NAALADL2: variants seen among roughly 807,000 people sequenced by gnomAD.
NAALADL2 encodes N-acetylated alpha-linked acidic dipeptidase like 2.
NAALADL2 carries 76 observed loss-of-function variants against 87.2 expected under a neutral mutation model. The observed-to-expected ratio is 0.87, with a 90% CI of 0.72 to 1.05. The LOEUF is 1.05. Ranked by LOEUF, NAALADL2 falls within the 50% of genes least tolerant of loss-of-function variation. The pLI is 0.00. For missense variants in NAALADL2, 1,089 were observed against 945.8 expected (o/e 1.15, Z -1.99); for synonymous variants, 354 against 331.0 (o/e 1.07, Z -0.75).
Position 174,579,288 on chromosome 3 carries a change from A to G in NAALADL2, c.-115+28651A>G, listed in dbSNP as rs1578215982. Among the ~76,000 whole-genome samples the G allele has an allele frequency of 3.3e-5, 5 of 152,138 alleles. No homozygotes were observed. The East Asian group carries it at 9.6e-4, about 29-fold the overall frequency. ...TTCATAGCAGCTTTACCAATAATGG[A>G]CCTAAAATGGAACCAACAGAGATAT... is the stretch of plus-strand genomic sequence containing the variant. On this transcript the variant is annotated intron_variant, in intron 2 of 3. Coordinates refer to the NAALADL2 transcript ENST00000434257.
intron 3 of NAALADL2, among the ~76,000 whole-genome samples, chr3:174,778,094 A>G (rs928387827): frequency 9.2e-5 from 14 of 152,078 alleles, no homozygotes; most frequent in African/African-American, 3.4e-4. Context: ...GCTAGATACT[A>G]TGCTATGTCC....
At chr3:175,324,673 A>G (rs1400659179) in intron 5 of NAALADL2, among the ~76,000 whole-genome samples, 5 of 152,228 alleles carry the variant, frequency 3.3e-5, no homozygotes, top group African/African-American at 1.2e-4. Flanking sequence ...ACCCAGGAGC[A>G]TGAAATGTCT....
chr3:174,954,938 T>C (rs892693988), intron 1 of NAALADL2, among the ~76,000 whole-genome samples: 3 of 152,126 alleles, frequency 2.0e-5, no homozygotes, highest in Non-Finnish European at 2.9e-5. Flanking sequence ...TTGTGGTTAG[T>C]GTAGATTTCT....
chr3:174,636,253 A>G lies in NAALADL2; in HGVS notation c.-115+85616A>G, dbSNP rs532340134. 1.6e-3 allele frequency among the ~76,000 whole-genome samples: 245 copies of G among 152,310 alleles called. 2 individuals are homozygous for G. Among genetic ancestry groups the G allele is most frequent in the African/African-American group, 5.8e-3 (241 of 41,574 alleles). On this transcript the variant is annotated intron_variant, in intron 2 of 3. Transcript: ENST00000434257. ...AAAGCTACTAGAAGAAAACATAAGG[A>G]AAATTCTGAAGGACATTGGTCTACT...
intron 9 of NAALADL2, among the ~76,000 whole-genome samples, chr3:175,474,737 C>T (rs78349968): frequency 0.68 from 103,223 of 151,694 alleles, 37,168 homozygotes; most frequent in East Asian, 0.9. Flanking sequence ...GACTGCTTTT[C>T]CCTACCTCTT....
intron 2 of NAALADL2, among the ~76,000 whole-genome samples, chr3:174,658,464 G>A (rs961821316): frequency 1.3e-5 from 2 of 151,828 alleles, no homozygotes; most frequent in African/African-American, 4.8e-5. Context: ...TTTAAATCAG[G>A]GTTTTTTATT....
intron 4 of NAALADL2, among the ~76,000 whole-genome samples, chr3:175,297,498 A>C (rs147091867): frequency 9.8e-5 from 15 of 152,298 alleles, no homozygotes; most frequent in Middle Eastern, 3.4e-3. Context: ...ATTCCTAAGC[A>C]ATAATTATTT....
chr3:175,605,440 T>G (rs1036757688), intron 10 of NAALADL2, among the ~76,000 whole-genome samples: 2 of 152,042 alleles, frequency 1.3e-5, no homozygotes, highest in East Asian at 1.9e-4. Flanking sequence ...GGAAATAAAA[T>G]TATGTATTTA....
rs544085272 is a variant in NAALADL2 at position 175,463,372 on chromosome 3, C to A, written c.1235-29C>A. 2.1e-5 allele frequency: 28 copies of A among 1,358,288 alleles called. 1 individual carries two copies. The South Asian group carries it at 3.4e-4, about 16-fold the overall frequency. The allele number at this position is 1,358,288 out of a possible 1,614,324, so 84.1% of individuals were successfully genotyped here. A position where few individuals can be genotyped will look rare whatever the true frequency, so the allele number is the denominator to read the frequency against. ...AAAAATACAATAAAATATAAAGAAG[C>A]AAAAGTCTTTAAATTTTTATTTTTT... On this transcript the variant is annotated intron_variant, in intron 6 of 13. Coordinates refer to ENST00000454872, the MANE Select transcript of NAALADL2 (RefSeq NM_207015.3).
chr3:174,853,765 G>A (rs1446446113), intron 3 of NAALADL2, among the ~76,000 whole-genome samples: 1 of 152,040 alleles, frequency 6.6e-6, no homozygotes, highest in Admixed American at 6.6e-5. Context: ...ATGGCCAATA[G>A]GTATATGAAA....
intron 4 of NAALADL2, among the ~76,000 whole-genome samples, chr3:175,265,226 A>T (rs1334549147): frequency 6.6e-6 from 1 of 151,636 alleles, no homozygotes; most frequent in Non-Finnish European, 1.5e-5. Context: ...CAAGGCTTAG[A>T]TTTATTTCCG....
At chr3:174,872,439 T>C (rs1055860534) in intron 1 of NAALADL2, among the ~76,000 whole-genome samples, 14 of 152,192 alleles carry the variant, frequency 9.2e-5, no homozygotes, top group African/African-American at 3.4e-4. Context: ...TTTACTTGAA[T>C]AGAGATAGGC....
chr3:175,511,966 G>A (rs956796691), intron 9 of NAALADL2, among the ~76,000 whole-genome samples: 2 of 152,160 alleles, frequency 1.3e-5, no homozygotes, highest in Non-Finnish European at 2.9e-5. Context: ...CCTAGGCTGG[G>A]CATGGTGCCT....
chr3:174,926,426 G>A (rs553241360), intron 1 of NAALADL2, among the ~76,000 whole-genome samples: 18 of 152,236 alleles, frequency 1.2e-4, no homozygotes, highest in African/African-American at 4.3e-4. Flanking sequence ...AAGTTGAAAT[G>A]AAGGAAAAAT....
At chr3:175,313,857 G>A (rs1176569973) in intron 4 of NAALADL2, among the ~76,000 whole-genome samples, 2 of 152,044 alleles carry the variant, frequency 1.3e-5, no homozygotes, top group Non-Finnish European at 2.9e-5. Context: ...GAGGTCAGGA[G>A]ATCAAGACCA....
In NAALADL2 at chr3:174,914,394, C is replaced by T. The variant is rs188791494; in HGVS notation, c.43+54944C>T. Reference sequence around the variant, plus strand: ...TATATTTTATTGCAACTAAAAATCACATTAGATAATGAATATTTAGTATCA... The same window carrying T: ...TATATTTTATTGCAACTAAAAATCATATTAGATAATGAATATTTAGTATCA... On this transcript the variant is annotated intron_variant, in intron 1 of 13. Coordinates refer to ENST00000454872, the MANE Select transcript of NAALADL2 (RefSeq NM_207015.3). Among the ~76,000 whole-genome samples the T allele has an allele frequency of 1.2e-3, 176 of 152,148 alleles. 1 individual carries two copies. In the South Asian group the frequency reaches 0.012, roughly 10 times the overall value.
rs1327789651 is a variant in NAALADL2 at position 175,156,238 on chromosome 3, A to G, written c.545+58947A>G. ...CCAGAACCTGAGTAAAATACTGAAGAGAATCATGGATTTAAAATGAGACCA... is the reference window on the plus strand; with the variant it reads ...CCAGAACCTGAGTAAAATACTGAAGGGAATCATGGATTTAAAATGAGACCA... On this transcript the variant is annotated intron_variant, in intron 2 of 13. Coordinates refer to ENST00000454872, the MANE Select transcript of NAALADL2 (RefSeq NM_207015.3). 2.0e-5 allele frequency among the ~76,000 whole-genome samples: 3 copies of G among 148,908 alleles called. No individual in the cohort carries two copies. In the Admixed American group the frequency reaches 2.0e-4, roughly 10 times the overall value.
intron 2 of NAALADL2, among the ~76,000 whole-genome samples, chr3:174,721,739 G>A (rs1230863930): frequency 6.6e-6 from 1 of 152,134 alleles, no homozygotes; most frequent in Non-Finnish European, 1.5e-5. Flanking sequence ...AACCAGATTA[G>A]TTGTGCTGGT....
At chr3:174,705,507 G>T (rs777459148) in intron 2 of NAALADL2, among the ~76,000 whole-genome samples, 3 of 152,118 alleles carry the variant, frequency 2.0e-5, no homozygotes, top group Admixed American at 6.5e-5. Context: ...GTTCTGGGCC[G>T]GGCGCGATGG....
Sources: allele counts gnomAD v4.1 joint callset (sites outside exome capture counted in the v4.1 genomes callset), GRCh38; gene constraint gnomAD v4.1.1; transcripts MANE v1.5; gene names NCBI Gene and HGNC (gene_info 2026-07-23, HGNC 2026-07-21).